Variants in ST6GALNAC3 observed in about 807,000 individuals in gnomAD.
ST6GALNAC3 encodes the protein alpha-N-acetylgalactosaminide alpha-2,6-sialyltransferase 3.
Under a neutral mutation model 32.7 loss-of-function variants are expected in ST6GALNAC3, and 25 were observed. The observed-to-expected ratio is 0.76, with a 90% CI of 0.56 to 1.07. ST6GALNAC3 has a LOEUF of 1.07. Among genes scored for constraint, ST6GALNAC3 ranks in the 50% least tolerant of loss-of-function variants. The pLI is 0.00. For synonymous variants in ST6GALNAC3, 129 were observed against 133.1 expected (o/e 0.97, Z 0.21); for missense variants, 355 against 382.4 (o/e 0.93, Z 0.60).
intron 1 of ST6GALNAC3, among the ~76,000 whole-genome samples, chr1:76,288,260 C>T (rs1659891141): frequency 6.6e-6 from 1 of 152,196 alleles, no homozygotes. Flanking sequence ...CAACCTTATA[C>T]CCAGTAACGA....
chr1:76,175,836 T>C (rs1460526671), intron 1 of ST6GALNAC3, among the ~76,000 whole-genome samples: 5 of 152,204 alleles, frequency 3.3e-5, no homozygotes, highest in Admixed American at 1.3e-4. Flanking sequence ...TGTGTGGTCT[T>C]TTAAGACTGA....
intron 2 of ST6GALNAC3, among the ~76,000 whole-genome samples, chr1:76,355,033 T>C (rs1267830609): frequency 2.6e-5 from 4 of 152,224 alleles, no homozygotes; most frequent in African/African-American, 9.6e-5. Context: ...CTTATCTGGA[T>C]GTTAAGAATT....
chr1:76,250,740 G>A (rs986030769), intron 1 of ST6GALNAC3, among the ~76,000 whole-genome samples: 6 of 152,096 alleles, frequency 3.9e-5, no homozygotes, highest in African/African-American at 1.4e-4. Flanking sequence ...ATACAAGTGA[G>A]GTCTGTCGTG....
chr1:76,577,770 G>T (rs903275125), intron 3 of ST6GALNAC3, among the ~76,000 whole-genome samples: 1 of 152,020 alleles, frequency 6.6e-6, no homozygotes, highest in Non-Finnish European at 1.5e-5. Context: ...GGAGCAAGTG[G>T]TTCTGGGAGG....
In ST6GALNAC3 at chr1:76,374,810, C is replaced by A. The variant is rs961173231; in HGVS notation, c.214-37198C>A. ...ATTAAATTCAATCAACATTTTTATT[C>A]GTTGATTCTTTGGCAGAAATGAGCT... On this transcript the variant is annotated intron_variant, in intron 2 of 4. Transcript: ENST00000328299. Among the ~76,000 whole-genome samples, 3 of 152,064 alleles carry A rather than the reference C, an allele frequency of 2.0e-5. No homozygotes were observed. In the South Asian group the frequency reaches 6.2e-4, roughly 32 times the overall value.
chr1:76,202,268 A>ATGTGTG (rs58107501), intron 1 of ST6GALNAC3, among the ~76,000 whole-genome samples: 15,545 of 145,304 alleles, frequency 0.11, 824 homozygotes, highest in East Asian at 0.16. Flanking sequence ...GTGTGCATGC[A>ATGTGTG]TGTGTGTGTG....
intron 1 of ST6GALNAC3, among the ~76,000 whole-genome samples, chr1:76,177,721 T>C (rs1280640037): frequency 6.6e-6 from 1 of 152,208 alleles, no homozygotes; most frequent in Non-Finnish European, 1.5e-5. Context: ...GAAGATACCA[T>C]AAGCAGCAGA....
At chr1:76,579,669 ATTGT>A (rs565070916) in intron 3 of ST6GALNAC3, among the ~76,000 whole-genome samples, 43 of 152,034 alleles carry the variant, frequency 2.8e-4, no homozygotes, top group Admixed American at 7.2e-4. Context: ...GAAAAAAATG[ATTGT>A]TTGTCCTGTA....
At chr1:76,248,341 T>C (rs147267831) in intron 1 of ST6GALNAC3, among the ~76,000 whole-genome samples, 22 of 152,184 alleles carry the variant, frequency 1.4e-4, no homozygotes, top group African/African-American at 4.8e-4. Context: ...CTACTTTTCT[T>C]CTCCTTTACA....
intron 1 of ST6GALNAC3, among the ~76,000 whole-genome samples, chr1:76,107,297 C>CTTTTT (rs5775324): frequency 2.9e-5 from 4 of 137,688 alleles, no homozygotes; most frequent in African/African-American, 1.1e-4. Context: ...CACACTTTTG[C>CTTTTT]TTTTTTTTTT....
chr1:76,463,692 A>T (rs1326666207), intron 3 of ST6GALNAC3, among the ~76,000 whole-genome samples: 1 of 152,042 alleles, frequency 6.6e-6, no homozygotes, highest in Non-Finnish European at 1.5e-5. Flanking sequence ...TTCCTACCGC[A>T]GGGTTTGGAT....
chr1:76,484,096 C>G (rs1659930514), intron 3 of ST6GALNAC3, among the ~76,000 whole-genome samples: 1 of 152,104 alleles, frequency 6.6e-6, no homozygotes, highest in African/African-American at 2.4e-5. Flanking sequence ...TGTTTTGGTA[C>G]CAGTACCATG....
intron 2 of ST6GALNAC3, among the ~76,000 whole-genome samples, chr1:76,344,372 C>T (rs1648316159): frequency 6.6e-6 from 1 of 152,216 alleles, no homozygotes; most frequent in African/African-American, 2.4e-5. Context: ...AGCGACATTT[C>T]CTGGTCCCCC....
At chr1:76,142,967 T>C (rs543379016) in intron 1 of ST6GALNAC3, 1 of 414,930 alleles carries the variant, frequency 2.4e-6, no homozygotes, top group East Asian at 7.8e-5. Flanking sequence ...TGCTGGAAAG[T>C]GTTGGCCCAC....
intron 3 of ST6GALNAC3, among the ~76,000 whole-genome samples, chr1:76,415,087 T>C (rs1192318301): frequency 1.3e-5 from 2 of 151,592 alleles, no homozygotes; most frequent in Admixed American, 1.3e-4. Context: ...TTTTCCACAA[T>C]CTAGATTTGT....
At chr1:76,557,289 A>G (rs1664985510) in intron 3 of ST6GALNAC3, among the ~76,000 whole-genome samples, 1 of 151,922 alleles carries the variant, frequency 6.6e-6, no homozygotes, top group South Asian at 2.1e-4. Context: ...TTTGTGGCAA[A>G]TTTTGAAATC....
At position 76,278,451 on chromosome 1, in the gene ST6GALNAC3, G is replaced by A. The variant is rs1041701072; in HGVS notation, c.19-35354G>A. ...TTAGACAGGATGGTCTCAATCTCCT[G>A]ACCTGGTGATCCGCCCATCTCGGCC... On this transcript the variant is annotated intron_variant, in intron 1 of 4. Transcript: ENST00000328299. 5.9e-5 allele frequency among the ~76,000 whole-genome samples: 9 copies of A among 151,502 alleles called. No individual in the cohort carries two copies. The South Asian group carries it at 1.3e-3, about 21-fold the overall frequency.
chr1:76,324,842 C>G (rs753975667), intron 2 of ST6GALNAC3, among the ~76,000 whole-genome samples: 8 of 152,078 alleles, frequency 5.3e-5, no homozygotes, highest in Non-Finnish European at 8.8e-5. Context: ...TAACTATCTT[C>G]TCAATTTTTA....
At chr1:76,427,038 G>C (rs1369730243) in intron 3 of ST6GALNAC3, among the ~76,000 whole-genome samples, 1 of 151,988 alleles carries the variant, frequency 6.6e-6, no homozygotes, top group East Asian at 1.9e-4. Flanking sequence ...TTACTGTTTG[G>C]CTTTTTGGAA....
Sources: gnomAD v4.1 joint callset for allele counts (sites outside exome capture counted in the v4.1 genomes callset) on GRCh38, gnomAD v4.1.1 for gene constraint, MANE v1.5 for transcripts, NCBI Gene and HGNC (gene_info 2026-07-23, HGNC 2026-07-21) for gene names.